The following GPD2 variants were observed in gnomAD, a reference collection of about 807,000 sequenced individuals.
GPD2 encodes the protein glycerol-3-phosphate dehydrogenase, mitochondrial.
GPD2 carries 54 observed loss-of-function variants against 82.4 expected under a neutral mutation model. That is an observed-to-expected ratio of 0.66 (90% confidence interval 0.53 to 0.82). The LOEUF (loss-of-function observed/expected upper bound fraction) is 0.82. GPD2 is among the 40% of genes least tolerant of loss of function. The pLI, the probability that GPD2 is intolerant of heterozygous loss-of-function variation, is 0.00. For missense variants in GPD2, 748 were observed against 896.2 expected, an observed-to-expected ratio of 0.83 and a Z score of 2.11; for synonymous variants, 288 against 306.1, an observed-to-expected ratio of 0.94 and a Z score of 0.62.
chr2:156,459,409 G>C, intron 1 of GPD2, among the ~76,000 whole-genome samples: 1 of 152,030 alleles, frequency 6.6e-6, no homozygotes. Context: ...AATATAGGCT[G>C]GGCGCGGTGG....
intron 8 of GPD2, among the ~76,000 whole-genome samples, chr2:156,554,033 A>G (rs1477102824): frequency 1.3e-5 from 2 of 152,202 alleles, no homozygotes; most frequent in Non-Finnish European, 2.9e-5. Context: ...TCTGCAGCCT[A>G]GTTCCCATTC....
the GPD2 span, among the ~76,000 whole-genome samples, chr2:156,400,861 T>A: frequency 1.3e-5 from 2 of 152,210 alleles, no homozygotes; most frequent in African/African-American, 4.8e-5. Flanking sequence ...CGTTTGCTTT[T>A]TATTTTTTCT....
At chr2:156,563,331 A>G (rs761924889) in intron 9 of GPD2, among the ~76,000 whole-genome samples, 2 of 152,174 alleles carry the variant, frequency 1.3e-5, no homozygotes, top group Non-Finnish European at 2.9e-5. Flanking sequence ...TGAGAAAGAG[A>G]TGAAGCAATA....
the GPD2 span, among the ~76,000 whole-genome samples, chr2:156,410,769 A>G: frequency 3.3e-5 from 5 of 152,336 alleles, no homozygotes; most frequent in South Asian, 4.1e-4. Context: ...TTTGCTTCTT[A>G]GGATTAATGA....
At chr2:156,494,008 T>C (rs1010216730) in intron 2 of GPD2, among the ~76,000 whole-genome samples, 1 of 151,380 alleles carries the variant, frequency 6.6e-6, no homozygotes, top group Non-Finnish European at 1.5e-5. Context: ...AATTGAAATA[T>C]GTTAATGTTC....
At chr2:156,428,001 A>G in the GPD2 span, among the ~76,000 whole-genome samples, 3 of 152,172 alleles carry the variant, frequency 2.0e-5, no homozygotes, top group African/African-American at 7.2e-5. Context: ...TTTAAGGATA[A>G]GTATGATTGC....
the GPD2 span, among the ~76,000 whole-genome samples, chr2:156,419,084 A>T: frequency 7.5e-5 from 6 of 79,564 alleles, no homozygotes; most frequent in Non-Finnish European, 1.1e-4. Context: ...TTTGAGATGG[A>T]GTTTCACTCT....
chr2:156,519,219 G>T (rs531233627), intron 6 of GPD2, among the ~76,000 whole-genome samples: 1 of 151,524 alleles, frequency 6.6e-6, no homozygotes, highest in Non-Finnish European at 1.5e-5. Context: ...TTGGGGGGGG[G>T]CCACTAGTAA....
chr2:156,575,258 G>C (rs1288388960), intron 13 of GPD2, among the ~76,000 whole-genome samples: 2 of 152,060 alleles, frequency 1.3e-5, no homozygotes, highest in African/African-American at 2.4e-5. Flanking sequence ...AATGGTCTTG[G>C]CATTGATCTT....
chr2:156,529,957 A>T (rs552220481), intron 6 of GPD2, among the ~76,000 whole-genome samples: 7 of 151,908 alleles, frequency 4.6e-5, no homozygotes, highest in Admixed American at 6.6e-5. Flanking sequence ...TTAAAGTACT[A>T]TTTTCCAATT....
chr2:156,490,619 G>T (rs533846856), intron 2 of GPD2, among the ~76,000 whole-genome samples: 3 of 152,148 alleles, frequency 2.0e-5, no homozygotes, highest in South Asian at 2.1e-4. Flanking sequence ...CTCAAATTAT[G>T]TGTGGTGTCA....
chr2:156,522,850 A>T (rs1685459668), intron 6 of GPD2, among the ~76,000 whole-genome samples: 2 of 152,200 alleles, frequency 1.3e-5, no homozygotes, highest in South Asian at 4.1e-4. Context: ...TTTTAGCTAA[A>T]AAGAGGACTT....
the GPD2 span, among the ~76,000 whole-genome samples, chr2:156,424,645 T>G: frequency 1.3e-5 from 2 of 152,248 alleles, no homozygotes; most frequent in Non-Finnish European, 2.9e-5. Flanking sequence ...CCAAATGCAT[T>G]ATATCAAACC....
rs1029684600 is a variant in GPD2, at chr2:156,490,518, A to G, written c.103-5526A>G. On this transcript the variant is annotated intron_variant, in intron 2 of 16. Coordinates refer to ENST00000438166, the MANE Select transcript of GPD2 (RefSeq NM_000408.5). ...GACTGTTCAGTAAAACCTTCAAAAC[A>G]AAACTATACCAAACAAACTACTTTC... Among the ~76,000 whole-genome samples the G allele has an allele frequency of 3.7e-4, 56 of 152,360 alleles. 1 individual carries two copies. The highest frequency in any genetic ancestry group is 7.8e-4 in the Admixed American group (12 of 15,300).
the GPD2 span, among the ~76,000 whole-genome samples, chr2:156,404,896 C>T: frequency 6.6e-6 from 1 of 150,890 alleles, no homozygotes. Context: ...AGAAATTCGT[C>T]GATGATGATA....
intron 2 of GPD2, among the ~76,000 whole-genome samples, chr2:156,491,501 T>C (rs1229570479): frequency 3.3e-5 from 5 of 152,234 alleles, no homozygotes; most frequent in Non-Finnish European, 7.3e-5. Context: ...TGTGTAGCAG[T>C]AGCTTGTTCT....
At position 156,570,117 on chromosome 2, in the gene GPD2, G is replaced by T; in HGVS notation, c.1507G>T (p.Asp503Tyr). The T allele has an allele frequency of 6.2e-7, 1 of 1,612,032 alleles. No homozygotes were observed. Among genetic ancestry groups the T allele is most frequent in the Non-Finnish European group, 8.5e-7 (1 of 1,179,270 alleles). ...VAQHLAATYG[D>Y]KAFEVAKMAS... ...ACAGCATCTTGCCGCCACCTATGGT[G>T]ATAAGGCCTTTGAGGTGGCCAAAAT... The change falls in exon 12 of 17, where the codon GAT becomes TAT. Residue 503 changes from aspartate (D) to tyrosine (Y), a missense_variant. Physicochemically the swap from Asp to Tyr is radical, Grantham distance 160. Coordinates refer to ENST00000438166, the MANE Select transcript of GPD2 (RefSeq NM_000408.5).
intron 1 of GPD2, among the ~76,000 whole-genome samples, chr2:156,464,828 C>G (rs298253): frequency 0.32 from 48,496 of 151,868 alleles, 9,241 homozygotes; most frequent in Non-Finnish European, 0.44. Flanking sequence ...GCAACAGGAA[C>G]TTTTGAAAGA....
At chr2:156,420,259 C>T in the GPD2 span, among the ~76,000 whole-genome samples, 110 of 152,142 alleles carry the variant, frequency 7.2e-4, 1 homozygote, top group East Asian at 0.02. Flanking sequence ...GCAACCTCTG[C>T]CTCCTGGGTT....
Sources: allele counts gnomAD v4.1 joint callset (sites outside exome capture counted in the v4.1 genomes callset), GRCh38; gene constraint gnomAD v4.1.1; transcripts MANE v1.5; gene names NCBI Gene and HGNC (gene_info 2026-07-23, HGNC 2026-07-21).